Variants in RNF115 observed in about 807,000 individuals in gnomAD.
RNF115 encodes the protein E3 ubiquitin-protein ligase RNF115.
In RNF115, 31 loss-of-function variants were observed where a neutral mutation model predicts 39.2. That is an observed-to-expected ratio of 0.79 (90% CI 0.59 to 1.07). The LOEUF (loss-of-function observed/expected upper bound fraction) is 1.07. Among genes scored for constraint, RNF115 ranks in the 50% least tolerant of loss-of-function variants. RNF115 has a pLI of 0.00. For synonymous variants in RNF115, 124 were observed against 131.0 expected (o/e 0.95, Z 0.37); for missense variants, 384 against 381.7 (o/e 1.01, Z -0.05).
chr1:145,812,523 G>A (rs587680157), intron 1 of RNF115, among the ~76,000 whole-genome samples: 1 of 151,502 alleles, frequency 6.6e-6, no homozygotes, highest in Non-Finnish European at 1.5e-5. Flanking sequence ...AGCCAGGTGT[G>A]GTGGCGCACA....
At chr1:145,771,641 AAGATT>A in intron 4 of RNF115, 65 bp downstream of exon 4, 1 of 1,258,914 alleles carries the variant, frequency 7.9e-7, no homozygotes. Flanking sequence ...GACCCTTATA[AAGATT>A]AGATTATACC....
chr1:145,759,426 C>A (rs1658420072), intron 4 of RNF115, among the ~76,000 whole-genome samples: 2 of 152,116 alleles, frequency 1.3e-5, no homozygotes, highest in African/African-American at 4.8e-5. Flanking sequence ...GATGGTGGCT[C>A]CATTCTTCTT....
chr1:145,748,152 G>A, intron 7 of RNF115, 42 bp from the exon 8 acceptor site: 1 of 1,433,668 alleles, frequency 7.0e-7, no homozygotes, highest in South Asian at 1.2e-5. Flanking sequence ...ACAGGCAAAA[G>A]GAAAGAAGAA....
At chr1:145,772,148 T>G in intron 3 of RNF115, 1 of 450,170 alleles carries the variant, frequency 2.2e-6, no homozygotes, top group Non-Finnish European at 4.0e-6. Flanking sequence ...TTGTAGCAAT[T>G]TAAACACCCA....
chr1:145,785,369 C>T (rs587767554), intron 2 of RNF115, among the ~76,000 whole-genome samples: 2 of 152,244 alleles, frequency 1.3e-5, no homozygotes, highest in Admixed American at 1.3e-4. Flanking sequence ...TTTTAAAATC[C>T]TGCAATGTCA....
chr1:145,797,719 T>C (rs587611024), intron 1 of RNF115, among the ~76,000 whole-genome samples: 1 of 152,320 alleles, frequency 6.6e-6, no homozygotes, highest in East Asian at 1.9e-4. Flanking sequence ...GGAACTGCCA[T>C]GCTGTTTTCC....
intron 4 of RNF115, among the ~76,000 whole-genome samples, chr1:145,765,589 AAAGAC>A (rs1295653580): frequency 5.9e-5 from 9 of 152,140 alleles, no homozygotes; most frequent in Admixed American, 2.6e-4. Flanking sequence ...TGAGAAATTC[AAAGAC>A]AAGAGTATGC....
chr1:145,793,189 A>G (rs1239973723), intron 1 of RNF115, among the ~76,000 whole-genome samples: 4 of 152,160 alleles, frequency 2.6e-5, no homozygotes, highest in Non-Finnish European at 5.9e-5. Context: ...ATGGTGGCGC[A>G]TGCCTATAGT....
chr1:145,784,536 T>TA lies in RNF115; in HGVS notation c.219+2dup. ...GAATTCCTACAGCTAAAGGAAAACT[T>TA]ACCTCTGCAAAATGTGTTGTTGTGG... is the stretch of plus-strand genomic sequence containing the variant. On this transcript the variant is annotated splice_region_variant and intron_variant, in intron 3 of 8. Transcript: ENST00000582693. 6.2e-7 allele frequency: 1 copy of TA among 1,613,624 alleles called. No individual in the cohort carries two copies. The highest frequency in any genetic ancestry group is 8.5e-7 in the Non-Finnish European group (1 of 1,179,590).
intron 4 of RNF115, among the ~76,000 whole-genome samples, chr1:145,769,602 T>TA (rs1647542743): frequency 6.6e-6 from 1 of 152,098 alleles, no homozygotes; most frequent in Non-Finnish European, 1.5e-5. Flanking sequence ...TAACTTGCAT[T>TA]AAACCTTTAA....
chr1:145,769,433 A>G (rs1047577654), intron 4 of RNF115, among the ~76,000 whole-genome samples: 1 of 152,184 alleles, frequency 6.6e-6, no homozygotes, highest in East Asian at 1.9e-4. Context: ...ATTCAAAACA[A>G]ACATGTTTAG....
chr1:145,795,187 T>C (rs946815223), intron 1 of RNF115, among the ~76,000 whole-genome samples: 14 of 151,838 alleles, frequency 9.2e-5, no homozygotes, highest in Admixed American at 5.2e-4. Flanking sequence ...ACGTCCGGAA[T>C]TGTTTGATCC....
intron 5 of RNF115, 96 bp from the exon 6 acceptor site, chr1:145,751,606 A>G: frequency 2.9e-6 from 2 of 696,124 alleles, no homozygotes; most frequent in Non-Finnish European, 4.9e-6. Context: ...GTTCTCTCTC[A>G]GAGCTGGAAA....
At chr1:145,809,601 T>G (rs1413877186) in intron 1 of RNF115, among the ~76,000 whole-genome samples, 1 of 94,710 alleles carries the variant, frequency 1.1e-5, no homozygotes, top group Non-Finnish European at 2.0e-5. Context: ...TTCAAGCAAT[T>G]CTTCTGCATC....
rs1657778759 is a variant in RNF115, at chr1:145,743,914, C to G, written c.*2952G>C. On this transcript the variant is annotated 3_prime_UTR_variant, in exon 9 of 9. Transcript: ENST00000582693. ...CCTGCCATTATAAGAAGAAACACAA[C>G]AGATCCATTAAGTGGGACAGGTCTG... 6.6e-6 allele frequency: 1 copy of G among 152,192 alleles called. No homozygotes were observed. Among genetic ancestry groups the G allele is most frequent in the African/African-American group, 2.4e-5 (1 of 41,464 alleles). The allele number at this position is 152,192 out of a possible 1,614,324, so 9.4% of individuals were successfully genotyped here. A position where few individuals can be genotyped will look rare whatever the true frequency, so the allele number is the denominator to read the frequency against.
chr1:145,779,741 C>T (rs1322154123), intron 3 of RNF115, among the ~76,000 whole-genome samples: 4 of 152,024 alleles, frequency 2.6e-5, no homozygotes, highest in Non-Finnish European at 4.4e-5. Context: ...CAGCCCACTG[C>T]AACCTCCGCC....
chr1:145,787,159 C>T, intron 2 of RNF115: 2 of 506,060 alleles, frequency 4.0e-6, no homozygotes, highest in South Asian at 3.2e-5. Flanking sequence ...TTCTTTTTGA[C>T]CAGTCGGTAC....
At chr1:145,783,832 T>A (rs587647392) in intron 3 of RNF115, among the ~76,000 whole-genome samples, 222 of 149,056 alleles carry the variant, frequency 1.5e-3, no homozygotes, top group African/African-American at 4.6e-3. Context: ...TTTCTTTTTT[T>A]AAAAAAAAAA....
At chr1:145,771,631 G>C (rs1356399919) in intron 4 of RNF115, 80 bp downstream of exon 4, 2 of 1,113,158 alleles carry the variant, frequency 1.8e-6, no homozygotes, top group African/African-American at 1.6e-5. Context: ...ATAAGTATGA[G>C]ACCCTTATAA....
Sources: gnomAD v4.1 joint callset for allele counts (sites outside exome capture counted in the v4.1 genomes callset) on GRCh38, gnomAD v4.1.1 for gene constraint, MANE v1.5 for transcripts, NCBI Gene and HGNC (gene_info 2026-07-23, HGNC 2026-07-21) for gene names.